Variants in RAPH1 observed in about 807,000 individuals in gnomAD.
The protein encoded by RAPH1 is Ras association (RalGDS/AF-6) and pleckstrin homology domains 1, also known as ras-associated and pleckstrin homology domains-containing protein 1.
A neutral mutation model predicts 88.1 loss-of-function variants in RAPH1; 18 were observed. That is an observed-to-expected ratio of 0.20 (90% CI 0.14 to 0.30). RAPH1 has a LOEUF of 0.30. Ranked by LOEUF, RAPH1 falls within the 10% of genes least tolerant of loss-of-function variation. The pLI is 1.00. For synonymous variants in RAPH1, 587 were observed against 559.0 expected, an observed-to-expected ratio of 1.05 and a Z score of -0.71; for missense variants, 1,448 against 1,543.2, an observed-to-expected ratio of 0.94 and a Z score of 1.03.
intron 1 of RAPH1, among the ~76,000 whole-genome samples, chr2:203,502,203 A>T (rs994043365): frequency 2.0e-5 from 3 of 152,210 alleles, no homozygotes; most frequent in Non-Finnish European, 2.9e-5. Context: ...CCTGGAACTC[A>T]GTTTTGTAAA....
chr2:203,500,342 G>C (rs1400189896), intron 1 of RAPH1, among the ~76,000 whole-genome samples: 1 of 152,194 alleles, frequency 6.6e-6, no homozygotes, highest in Non-Finnish European at 1.5e-5. Context: ...AGGGTATAAA[G>C]ACGTGAGAAC....
chr2:203,473,562 T>C (rs1306871424), intron 4 of RAPH1, among the ~76,000 whole-genome samples: 1 of 152,188 alleles, frequency 6.6e-6, no homozygotes, highest in East Asian at 1.9e-4. Context: ...TTTTCACCCT[T>C]GATTACAGGG....
intron 1 of RAPH1, among the ~76,000 whole-genome samples, chr2:203,528,267 AT>A (rs374454147): frequency 6.6e-4 from 101 of 151,960 alleles, no homozygotes; most frequent in African/African-American, 2.1e-3. Flanking sequence ...AAAAAAAAAA[AT>A]GTGTCATCTT....
chr2:203,513,833 T>C (rs1689473567), intron 1 of RAPH1, among the ~76,000 whole-genome samples: 1 of 141,752 alleles, frequency 7.1e-6, no homozygotes, highest in South Asian at 2.3e-4. Context: ...AGACTCAGTC[T>C]CAAGAAAAAA....
intron 4 of RAPH1, among the ~76,000 whole-genome samples, chr2:203,476,100 A>G (rs1333660427): frequency 6.6e-6 from 1 of 152,232 alleles, no homozygotes; most frequent in Non-Finnish European, 1.5e-5. Flanking sequence ...TGAAATATTC[A>G]TATATTTTAG....
At chr2:203,504,848 C>A (rs1323627138) in intron 1 of RAPH1, among the ~76,000 whole-genome samples, 1 of 152,142 alleles carries the variant, frequency 6.6e-6, no homozygotes. Context: ...CTCTCAATTT[C>A]AAAGTTCTAC....
chr2:203,489,274 T>C (rs934560196), intron 4 of RAPH1, among the ~76,000 whole-genome samples: 1 of 152,200 alleles, frequency 6.6e-6, no homozygotes, highest in Non-Finnish European at 1.5e-5. Flanking sequence ...AATAACTAAA[T>C]GGTTTTGTGA....
chr2:203,461,805 A>T (rs746856026), intron 5 of RAPH1, 43 bp downstream of exon 5: 1 of 1,478,286 alleles, frequency 6.8e-7, no homozygotes, highest in Admixed American at 2.0e-5. Context: ...AATCCAAAAA[A>T]CTGATAAAAA....
chr2:203,449,756 GGCTCAT>G (rs2098513150), intron 10 of RAPH1, among the ~76,000 whole-genome samples: 1 of 152,190 alleles, frequency 6.6e-6, no homozygotes, highest in East Asian at 1.9e-4. Context: ...CAGATATGGT[GGCTCAT>G]GCCTGTAAAC....
At chr2:203,510,053 A>G (rs1689267915) in intron 1 of RAPH1, among the ~76,000 whole-genome samples, 1 of 152,154 alleles carries the variant, frequency 6.6e-6, no homozygotes, top group African/African-American at 2.4e-5. Flanking sequence ...AGTCTCAGGT[A>G]TTTCTTTATA....
intron 13 of RAPH1, chr2:203,444,614 C>A: frequency 4.7e-6 from 2 of 422,948 alleles, no homozygotes; most frequent in Non-Finnish European, 8.3e-6. Context: ...AAGAATTAAA[C>A]TGCCAGTTTT....
intron 1 of RAPH1, among the ~76,000 whole-genome samples, chr2:203,497,021 A>C (rs1473809054): frequency 6.6e-6 from 1 of 152,238 alleles, no homozygotes; most frequent in African/African-American, 2.4e-5. Flanking sequence ...TGTCCCTTCC[A>C]AAACTCAAGT....
At chr2:203,454,255 C>G (rs1164780101) in intron 10 of RAPH1, among the ~76,000 whole-genome samples, 175 bp downstream of exon 10, 1 of 152,216 alleles carries the variant, frequency 6.6e-6, no homozygotes, top group Non-Finnish European at 1.5e-5. Flanking sequence ...GGCCCAGGGT[C>G]TGCTATGATA....
intron 1 of RAPH1, among the ~76,000 whole-genome samples, chr2:203,511,274 A>G (rs1378332052): frequency 6.6e-6 from 1 of 152,194 alleles, no homozygotes; most frequent in East Asian, 1.9e-4. Context: ...TTCTTTAAAA[A>G]AAAAAAAAAG....
rs1267206523 is a variant in RAPH1 at position 203,448,896 on chromosome 2, T to C, written c.1414-60A>G. On this transcript the variant is annotated intron_variant, in intron 10 of 13. Transcript: ENST00000319170. This position sits in a 1 kb window ranked among gnomAD's most constrained non-coding sequence, Gnocchi z 4.1. ...TTGGAGAACTAAAGAAAAACAAACT[T>C]TATCAAAGCTTAAACATATCCTGAC... is the stretch of plus-strand genomic sequence containing the variant. 1 of 1,107,602 alleles carries C rather than the reference T, an allele frequency of 9.0e-7. No individual in the cohort carries two copies. The highest frequency in any genetic ancestry group is 1.6e-5 in the African/African-American group (1 of 63,764). The allele number at this position is 1,107,602 out of a possible 1,614,324, so 68.6% of individuals were successfully genotyped here. A position where few individuals can be genotyped will look rare whatever the true frequency, so the allele number is the denominator to read the frequency against.
At chr2:203,456,452 AAAT>A (rs2098519670) in intron 8 of RAPH1, among the ~76,000 whole-genome samples, 1 of 152,234 alleles carries the variant, frequency 6.6e-6, no homozygotes, top group Non-Finnish European at 1.5e-5. Context: ...TTTATTTAAA[AAAT>A]AATACTAGGT....
intron 4 of RAPH1, among the ~76,000 whole-genome samples, chr2:203,476,576 T>C (rs1320907825): frequency 2.6e-5 from 4 of 152,152 alleles, no homozygotes; most frequent in African/African-American, 7.2e-5. Flanking sequence ...AAATATTTAA[T>C]AGGCACACGT....
intron 10 of RAPH1, among the ~76,000 whole-genome samples, chr2:203,451,183 T>A (rs1289527730): frequency 2.0e-5 from 3 of 152,236 alleles, no homozygotes; most frequent in African/African-American, 4.8e-5. Flanking sequence ...TCTGTTCTGC[T>A]AATACATTAT....
chr2:203,485,115 A>T (rs998219957), intron 4 of RAPH1, among the ~76,000 whole-genome samples: 1 of 152,078 alleles, frequency 6.6e-6, no homozygotes, highest in Non-Finnish European at 1.5e-5. Flanking sequence ...TAAGAGTTAC[A>T]CTGCTGGCCA....
Sources: allele counts gnomAD v4.1 joint callset (sites outside exome capture counted in the v4.1 genomes callset), GRCh38; gene constraint gnomAD v4.1.1; non-coding constraint Gnocchi (gnomAD v3.1); transcripts MANE v1.5; gene names NCBI Gene and HGNC (gene_info 2026-07-23, HGNC 2026-07-21).